ST14: variants seen among roughly 807,000 people sequenced by gnomAD.
ST14 encodes suppressor of tumorigenicity 14 protein.
In ST14, 40 loss-of-function variants were observed where a neutral mutation model predicts 96.5. The observed-to-expected ratio is 0.41, with a 90% confidence interval of 0.32 to 0.54. ST14 has a LOEUF of 0.54. ST14 is among the 20% of genes least tolerant of loss of function. The probability of loss-of-function intolerance (pLI) is 0.17; values close to 1 mark genes in which losing one functional copy is unlikely to be tolerated. For synonymous variants in ST14, 506 were observed against 492.1 expected (o/e 1.03, Z -0.37); for missense variants, 1,066 against 1,188.9 (o/e 0.90, Z 1.52).
intron 11 of ST14, among the ~76,000 whole-genome samples, chr11:130,197,517 A>ACAGGG (rs543679686): frequency 1.7e-3 from 261 of 152,318 alleles, no homozygotes; most frequent in Middle Eastern, 6.8e-3. Context: ...AGCCCAGCAC[A>ACAGGG]CAGGGCAGGG....
In ST14 at chr11:130,194,216, A is replaced by T. The variant is rs753326321; in HGVS notation, c.943A>T (p.Thr315Ser). 6.2e-7 allele frequency: 1 copy of T among 1,614,114 alleles called. No homozygotes were observed. The highest frequency in any genetic ancestry group is 1.1e-5 in the South Asian group (1 of 91,074). Residue 315 changes from threonine to serine, a missense_variant, in exon 8 of 19, where the codon ACA becomes TCA. Thr to Ser is a moderately conservative substitution (Grantham distance 58, BLOSUM62 1). Transcript: ENST00000278742. ...CTCCTCCCAGAACGTCCTGCTCATC[A>T]CACTGATAACCAACACTGAGCGGCG... ...FHSSQNVLLI[T>S]LITNTERRHP...
At chr11:130,200,560 C>G (rs144242063) in intron 16 of ST14, among the ~76,000 whole-genome samples, 3 of 152,156 alleles carry the variant, frequency 2.0e-5, no homozygotes, top group Admixed American at 2.0e-4. Flanking sequence ...GAACCGTGAC[C>G]AAAACACCTC....
rs1468458394 is a variant in ST14, at chr11:130,181,030, C to A, written c.82-7084C>A. Among the ~76,000 whole-genome samples, 8 of 152,168 alleles carry A rather than the reference C, an allele frequency of 5.3e-5. No individual in the cohort carries two copies. The highest frequency in any genetic ancestry group is 5.2e-4 in the Admixed American group (8 of 15,288). On this transcript the variant is annotated intron_variant, in intron 1 of 18. Transcript: ENST00000278742. The surrounding 1 kb of genome is among the most constrained non-coding windows in gnomAD (Gnocchi z 4.1). ...TGGCAATGGTCCGATCTCATCCCTG[C>A]TGGGTGGGATGGCAGTGGTCCCTCT...
chr11:130,177,338 G>A (rs1167493243), intron 1 of ST14, among the ~76,000 whole-genome samples: 2 of 151,974 alleles, frequency 1.3e-5, no homozygotes, highest in Non-Finnish European at 2.9e-5. Flanking sequence ...GCTGAGGTGG[G>A]CAGATCACGA....
At chr11:130,209,311 T>A in intron 17 of ST14, 131 bp from the exon 18 acceptor site, 2 of 1,229,034 alleles carry the variant, frequency 1.6e-6, no homozygotes, top group Non-Finnish European at 2.3e-6. Flanking sequence ...TAGACGCGGA[T>A]TACCCGTTTG....
In ST14 at chr11:130,196,776, A is replaced by C. The variant is rs1012860118; in HGVS notation, c.1354+76A>C. The C allele has an allele frequency of 6.2e-6, 10 of 1,604,774 alleles. No individual in the cohort carries two copies. In the Admixed American group the frequency reaches 1.7e-4, roughly 27 times the overall value. On this transcript the variant is annotated intron_variant, in intron 11 of 18. Coordinates refer to ENST00000278742, the MANE Select transcript of ST14 (RefSeq NM_021978.4). ...TCTGTCTACCCTGCATCTCGTTAGC[A>C]TCGTGCTTTGCTGATTCTAAAATGC...
At position 130,208,427 on chromosome 11, in the gene ST14, A is replaced by AGTGGACGGCCTTCCTGGGC. The variant is rs1565629982; in HGVS notation, c.2013_2031dup (p.Leu678ValfsTer34). On this transcript the variant is annotated frameshift_variant, in exon 17 of 19. Coordinates refer to ENST00000278742, the MANE Select transcript of ST14 (RefSeq NM_021978.4). LOFTEE classifies it high-confidence loss of function. Reference sequence around the variant, plus strand: ...CCTACCAGGTACTCAGACCCCACGCAGTGGACGGCCTTCCTGGGCTTGCAC... The same window carrying AGTGGACGGCCTTCCTGGGC: ...CCTACCAGGTACTCAGACCCCACGCAGTGGACGGCCTTCCTGGGCGTGGACGGCCTTCCTGGGCTTGCAC... 1 of 1,614,112 alleles carries AGTGGACGGCCTTCCTGGGC rather than the reference A, an allele frequency of 6.2e-7. No individual in the cohort carries two copies. Among genetic ancestry groups the AGTGGACGGCCTTCCTGGGC allele is most frequent in the Non-Finnish European group, 8.5e-7 (1 of 1,180,038 alleles).
At chr11:130,175,044 C>T (rs891866356) in intron 1 of ST14, among the ~76,000 whole-genome samples, 1 of 152,196 alleles carries the variant, frequency 6.6e-6, no homozygotes, top group Non-Finnish European at 1.5e-5. Flanking sequence ...TGTAGGAGAA[C>T]TGCAGGTTAG....
rs762539030 is a variant in ST14 at position 130,194,674 on chromosome 11, A to G, written c.1050A>G (p.Thr350=). 1.9e-6 allele frequency: 3 copies of G among 1,614,158 alleles called. No homozygotes were observed. The highest frequency in any genetic ancestry group is 2.2e-5 in the South Asian group (2 of 91,080). The change falls in exon 9 of 19, where the codon ACA becomes ACG. Residue 350 remains threonine, a synonymous_variant. Coordinates refer to ENST00000278742, the MANE Select transcript of ST14 (RefSeq NM_021978.4). ...CGGRLRKAQG[T]FNSPYYPGHY... ...GCCGCTTACGTAAAGCCCAGGGGAC[A>G]TTCAACAGCCCCTACTACCCAGGCC...
Position 130,188,657 on chromosome 11 carries a change from G to T in ST14, c.369G>T (p.Ala123=), listed in dbSNP as rs951566005. ...GCCTGGCCAGCAAGGTGAAGGACGC[G>T]GTGAGTGCAGCCTGCCCAGAGTCCT... The part of the protein sequence containing the change: ...FVSLASKVKD[A]LKLLYSGVPF... The change falls in exon 3 of 19, where the codon GCG becomes GCT. Residue 123 remains alanine (A), a splice_region_variant and synonymous_variant. Coordinates refer to ENST00000278742, the MANE Select transcript of ST14 (RefSeq NM_021978.4). This position sits in a 1 kb window ranked among gnomAD's most constrained non-coding sequence, Gnocchi z 5.4. The T allele has an allele frequency of 6.2e-7, 1 of 1,614,182 alleles. No homozygotes were observed. Among genetic ancestry groups the T allele is most frequent in the Non-Finnish European group, 8.5e-7 (1 of 1,180,036 alleles).
intron 1 of ST14, among the ~76,000 whole-genome samples, chr11:130,185,489 C>T (rs1388250201): frequency 2.0e-5 from 3 of 151,930 alleles, no homozygotes; most frequent in Non-Finnish European, 4.4e-5. Context: ...CTTGCCTCTA[C>T]AAAAAATTAG....
At chr11:130,172,066 A>C (rs1000082274) in intron 1 of ST14, among the ~76,000 whole-genome samples, 27 of 152,000 alleles carry the variant, frequency 1.8e-4, no homozygotes, top group African/African-American at 6.3e-4. Flanking sequence ...CAGCCATTTC[A>C]AGCTGCTGAA....
intron 1 of ST14, among the ~76,000 whole-genome samples, chr11:130,180,075 G>T (rs543216066): frequency 6.6e-6 from 1 of 152,170 alleles, no homozygotes; most frequent in Non-Finnish European, 1.5e-5. Flanking sequence ...ATTGAAATCC[G>T]TCCCACCTTG....
At chr11:130,175,728 A>C (rs1034928536) in intron 1 of ST14, among the ~76,000 whole-genome samples, 1 of 149,192 alleles carries the variant, frequency 6.7e-6, no homozygotes, top group African/African-American at 2.5e-5. Flanking sequence ...CAATGGTGCG[A>C]TCTCGGCTCA....
In ST14 at chr11:130,188,109, T is replaced by C; in HGVS notation, c.82-5T>C. ...GTCTGAGTGGTGGCGCCTCTCTCCC[T>C]GCAGAAAGTGAATGGCTTGGAGGAA... On this transcript the variant is annotated splice_region_variant and splice_polypyrimidine_tract_variant and intron_variant, in intron 1 of 18. Transcript: ENST00000278742. This position sits in a 1 kb window ranked among gnomAD's most constrained non-coding sequence, Gnocchi z 5.4. 6.2e-7 allele frequency: 1 copy of C among 1,614,062 alleles called. No homozygotes were observed. The highest frequency in any genetic ancestry group is 8.5e-7 in the Non-Finnish European group (1 of 1,179,976).
intron 1 of ST14, among the ~76,000 whole-genome samples, chr11:130,167,535 T>C (rs1209508620): frequency 6.6e-6 from 1 of 152,194 alleles, no homozygotes; most frequent in African/African-American, 2.4e-5. Flanking sequence ...AGTAAAGATA[T>C]GATTTTATTA....
chr11:130,190,224 T>C (rs1953282886), intron 6 of ST14, 76 bp downstream of exon 6: 2 of 1,580,340 alleles, frequency 1.3e-6, no homozygotes, highest in African/African-American at 2.7e-5. Flanking sequence ...GCCAGTGGGG[T>C]CCCCAGAAGC....
chr11:130,196,177 AC>A (rs1953360398), intron 9 of ST14, among the ~76,000 whole-genome samples, 161 bp from the exon 10 acceptor site: 2 of 151,722 alleles, frequency 1.3e-5, no homozygotes, highest in East Asian at 3.9e-4. Flanking sequence ...AAACAAACAA[AC>A]AAACAAACAA....
In ST14 at chr11:130,186,787, C is replaced by T. The variant is rs192452774; in HGVS notation, c.82-1327C>T. 4.5e-3 allele frequency among the ~76,000 whole-genome samples: 689 copies of T among 152,020 alleles called. 3 individuals carry two copies. Among genetic ancestry groups the T allele is most frequent in the African/African-American group, 0.015 (632 of 41,456 alleles). ...CACATTGTCATAATAGAAAGTCAGC[C>T]GATGTCTAGATAGATGAATCAAGAG... On this transcript the variant is annotated intron_variant, in intron 1 of 18. Transcript: ENST00000278742.
Sources: gnomAD v4.1 joint callset for allele counts (sites outside exome capture counted in the v4.1 genomes callset) on GRCh38, gnomAD v4.1.1 for gene constraint, Gnocchi (gnomAD v3.1) non-coding constraint, MANE v1.5 for transcripts, NCBI Gene and HGNC (gene_info 2026-07-23, HGNC 2026-07-21) for gene names.